SPG11: variants seen among roughly 807,000 people sequenced by gnomAD.
SPG11 encodes spatacsin.
A neutral mutation model predicts 274.0 loss-of-function variants in SPG11; 222 were observed. The observed-to-expected ratio is 0.81, with a 90% CI of 0.73 to 0.91. The LOEUF (loss-of-function observed/expected upper bound fraction) is 0.91, where lower values mean the gene tolerates loss of function less well. Ranked by LOEUF, SPG11 falls within the 40% of genes least tolerant of loss-of-function variation. The pLI, the probability that SPG11 is intolerant of heterozygous loss-of-function variation, is 0.00. For missense variants in SPG11, 3,114 were observed against 2,872.7 expected, an observed-to-expected ratio of 1.08 and a Z score of -1.92; for synonymous variants, 1,144 against 1,039.7, an observed-to-expected ratio of 1.10 and a Z score of -1.93.
rs1475310295 is a variant in SPG11 at position 44,568,084 on chromosome 15, T to TA, written c.6586-493dup. Among the ~76,000 whole-genome samples, 3 of 152,320 alleles carry TA rather than the reference T, an allele frequency of 2.0e-5. No individual in the cohort carries two copies. In the East Asian group the frequency reaches 5.8e-4, roughly 29 times the overall value. The stretch of plus-strand genomic sequence containing the variant: ...CAGGATATTTCATCTCTTCACTGTA[T>TA]AAGTTTTATTAAAATAATTATATAT... On this transcript the variant is annotated intron_variant, in intron 35 of 39. Transcript: ENST00000261866.
chr15:44,631,661 C>CTT (rs778676384), intron 8 of SPG11, among the ~76,000 whole-genome samples: 3 of 124,708 alleles, frequency 2.4e-5, no homozygotes, highest in East Asian at 4.4e-4. Context: ...CTGCATCAGG[C>CTT]TTTTTTTTTT....
At chr15:44,601,070 T>G (rs909836079) in intron 20 of SPG11, among the ~76,000 whole-genome samples, 9 of 152,204 alleles carry the variant, frequency 5.9e-5, no homozygotes, top group African/African-American at 2.2e-4. Context: ...GAGAATCACT[T>G]GAACCTGGGA....
At chr15:44,624,573 A>G (rs1207070936) in intron 11 of SPG11, among the ~76,000 whole-genome samples, 2 of 152,238 alleles carry the variant, frequency 1.3e-5, no homozygotes, top group African/African-American at 2.4e-5. Context: ...ACTTTCAGAT[A>G]TAAGATAAAT....
Position 44,564,601 on chromosome 15 carries a change from T to A in SPG11, c.7097A>T (p.Glu2366Val). The A allele has an allele frequency of 6.2e-7, 1 of 1,613,992 alleles. No individual in the cohort carries two copies. The highest frequency in any genetic ancestry group is 8.5e-7 in the Non-Finnish European group (1 of 1,179,850). ...CTTTAATAACCTTTGCTGCTTAAAT[T>A]CTTCCAAGTAATTAAAGTCTCCTTT... The part of the protein sequence containing the change: ...ILKGDFNYLE[E>V]FKQQRLLKSS... The change falls in exon 39 of 40, where the codon GAA becomes GTA. Residue 2366 changes from glutamate to valine, a missense_variant. By Grantham distance (121) the Glu-to-Val change is moderately radical. Coordinates refer to ENST00000261866, the MANE Select transcript of SPG11 (RefSeq NM_025137.4).
intron 31 of SPG11, 93 bp from the exon 32 acceptor site, chr15:44,573,838 T>C: frequency 8.4e-7 from 1 of 1,187,242 alleles, no homozygotes. Context: ...CAGACTCCAC[T>C]GTATTCTGAG....
At chr15:44,587,549 G>T (rs1369833034) in intron 28 of SPG11, among the ~76,000 whole-genome samples, 2 of 152,040 alleles carry the variant, frequency 1.3e-5, no homozygotes, top group East Asian at 3.9e-4. Flanking sequence ...AATTAGCCAG[G>T]TGTGGTGGTG....
intron 10 of SPG11, among the ~76,000 whole-genome samples, chr15:44,626,992 TACA>T (rs1056442093): frequency 8.5e-5 from 13 of 152,198 alleles, no homozygotes; most frequent in Non-Finnish European, 1.5e-4. Context: ...TTCAGGGAAC[TACA>T]AATTACTCAA....
At chr15:44,652,327 A>G in intron 4 of SPG11, 61 bp from the exon 5 acceptor site, 1 of 1,559,198 alleles carries the variant, frequency 6.4e-7, no homozygotes, top group Non-Finnish European at 8.8e-7. Flanking sequence ...AATTTGTGTT[A>G]CTACTGCTCC....
chr15:44,570,832 T>C (rs2082408434), intron 33 of SPG11, among the ~76,000 whole-genome samples, 174 bp from the exon 34 acceptor site: 1 of 152,180 alleles, frequency 6.6e-6, no homozygotes, highest in African/African-American at 2.4e-5. Context: ...AGACAGCCCC[T>C]TGATGACATC....
At chr15:44,600,749 G>A (rs565259869) in intron 20 of SPG11, 117 bp from the exon 21 acceptor site, 42 of 1,099,340 alleles carry the variant, frequency 3.8e-5, no homozygotes, top group Middle Eastern at 2.6e-4. Flanking sequence ...GCATCACTAC[G>A]TATCACTTTG....
intron 8 of SPG11, 144 bp from the exon 9 acceptor site, chr15:44,629,532 T>G: frequency 1.2e-6 from 1 of 842,054 alleles, no homozygotes; most frequent in Admixed American, 2.4e-5. Context: ...AAAACTTTTC[T>G]GCAGGCTTAT....
chr15:44,581,738 A>G (rs979472248), intron 30 of SPG11, among the ~76,000 whole-genome samples: 1 of 152,116 alleles, frequency 6.6e-6, no homozygotes, highest in Non-Finnish European at 1.5e-5. Flanking sequence ...TGTATGCAGA[A>G]GTAATAAAAG....
rs2085179045 is a variant in SPG11, at chr15:44,663,414, G to T, written c.234C>A (p.Cys78Ter). ...LTPGSRGGGR[C>*]CLEGPFWHFL... ...ACTGCCAGAAGGGGCCCTCCAGGCAGCAGCGACCCCCGCCCCGGCTGCCAG... is the reference window on the plus strand; with the variant it reads ...ACTGCCAGAAGGGGCCCTCCAGGCATCAGCGACCCCCGCCCCGGCTGCCAG... The change falls in exon 1 of 40, where the codon TGC becomes TGA. Residue 78 changes from cysteine to a stop codon, truncating the protein, a stop_gained. Coordinates refer to ENST00000261866, the MANE Select transcript of SPG11 (RefSeq NM_025137.4). LOFTEE classifies it high-confidence loss of function. 6.2e-7 allele frequency: 1 copy of T among 1,607,074 alleles called. No homozygotes were observed. Among genetic ancestry groups the T allele is most frequent in the Non-Finnish European group, 8.5e-7 (1 of 1,177,534 alleles).
intron 35 of SPG11, among the ~76,000 whole-genome samples, chr15:44,568,375 T>C (rs2082350611): frequency 6.6e-6 from 1 of 152,218 alleles, no homozygotes; most frequent in South Asian, 2.1e-4. Context: ...GATGACTAGA[T>C]TGGTCTGTCC....
In SPG11 at chr15:44,595,364, T is replaced by C; in HGVS notation, c.4530A>G (p.Thr1510=). The C allele has an allele frequency of 6.2e-7, 1 of 1,614,234 alleles. No individual in the cohort carries two copies. The highest frequency in any genetic ancestry group is 8.5e-7 in the Non-Finnish European group (1 of 1,180,030). ...TEAMGHIQDS[T]EDHTWNLEDL... is the part of the protein sequence containing the mutation. ...CCTCAAGGTTCCAGGTATGGTCCTC[T>C]GTTGAGTCCTGAATGTGTCCCATTG... The change falls in exon 26 of 40, where the codon ACA becomes ACG. Residue 1510 remains threonine (T), a synonymous_variant. Coordinates refer to ENST00000261866, the MANE Select transcript of SPG11 (RefSeq NM_025137.4).
intron 14 of SPG11, chr15:44,621,443 A>G (rs917658486): frequency 8.8e-6 from 3 of 341,180 alleles, no homozygotes; most frequent in African/African-American, 2.1e-5. Context: ...CCCCCATATC[A>G]GATGGCATAG....
Position 44,600,602 on chromosome 15 carries a change from C to A in SPG11, c.3551G>T (p.Ser1184Ile), listed in dbSNP as rs766403944. The change falls in exon 21 of 40, where the codon AGC becomes ATC. Residue 1184 changes from serine to isoleucine, a missense_variant. Transcript: ENST00000261866. Reference protein sequence around the residue: ...DAWSHLPHFSSPDLVNKYAIV... With the variant: ...DAWSHLPHFSIPDLVNKYAIV... ...AGCATATTTATTAACCAGGTCAGGG[C>A]TAGAGAAATGTGGGAGATGACTCCA... 2.8e-5 allele frequency: 45 copies of A among 1,613,908 alleles called. No individual in the cohort carries two copies. In the Admixed American group the frequency reaches 4.8e-4, roughly 17 times the overall value.
intron 6 of SPG11, among the ~76,000 whole-genome samples, chr15:44,649,658 G>A (rs566450883): frequency 2.0e-5 from 3 of 151,870 alleles, no homozygotes; most frequent in Non-Finnish European, 2.9e-5. Context: ...TCAGGAGGCC[G>A]AGGTGGGCAG....
chr15:44,625,957 G>A (rs978618185), intron 11 of SPG11, among the ~76,000 whole-genome samples: 20 of 152,324 alleles, frequency 1.3e-4, no homozygotes, highest in African/African-American at 4.3e-4. Context: ...TGGGATTACA[G>A]GCGTGAGCCA....
Sources: gnomAD v4.1 joint callset for allele counts (sites outside exome capture counted in the v4.1 genomes callset) on GRCh38, gnomAD v4.1.1 for gene constraint, MANE v1.5 for transcripts, NCBI Gene and HGNC (gene_info 2026-07-23, HGNC 2026-07-21) for gene names.